Variants in ACOT7 observed in about 807,000 individuals in gnomAD.
ACOT7 encodes cytosolic acyl coenzyme A thioester hydrolase.
ACOT7 carries 12 observed loss-of-function variants against 40.2 expected under a neutral mutation model. The ratio of observed to expected loss-of-function variants is 0.30; its 90% CI spans 0.19 to 0.48. The LOEUF is 0.48. Ranked by LOEUF, ACOT7 falls within the 20% of genes least tolerant of loss-of-function variation. The pLI is 0.99. For synonymous variants in ACOT7, 228 were observed against 219.5 expected (o/e 1.04, Z -0.34); for missense variants, 395 against 530.8 (o/e 0.74, Z 2.51).
chr1:6,378,607 C>A (rs79226054), intron 1 of ACOT7, among the ~76,000 whole-genome samples: 1,715 of 152,066 alleles, frequency 0.011, 34 homozygotes, highest in African/African-American at 0.039. Flanking sequence ...CCAAAGGATT[C>A]AAGGCAGGGC....
At chr1:6,368,369 G>T (rs1007511400) in intron 1 of ACOT7, among the ~76,000 whole-genome samples, 4 of 152,146 alleles carry the variant, frequency 2.6e-5, no homozygotes, top group African/African-American at 9.7e-5. Flanking sequence ...CGCAGTCCAG[G>T]TCCCCAAAGT....
At position 6,371,165 on chromosome 1, in the gene ACOT7, G is replaced by T. The variant is rs370517233; in HGVS notation, c.144-21299C>A. Among the ~76,000 whole-genome samples the T allele has an allele frequency of 3.3e-5, 5 of 152,250 alleles. No individual in the cohort carries two copies. In the East Asian group the frequency reaches 9.7e-4, roughly 29 times the overall value. On this transcript the variant is annotated intron_variant, in intron 1 of 8. Transcript: ENST00000361521. ...TCTGAGCAGTAGGTCTCAACGGCAG[G>T]CTTAAAAATATTCAGAAAACTATGC... is the stretch of plus-strand genomic sequence containing the variant.
intron 1 of ACOT7, among the ~76,000 whole-genome samples, chr1:6,365,946 A>G (rs1642001296): frequency 6.6e-6 from 1 of 151,312 alleles, no homozygotes; most frequent in Non-Finnish European, 1.5e-5. Flanking sequence ...CCAGGCTGGA[A>G]TGCAGTGGCA....
chr1:6,333,055 A>AG (rs1431118595), intron 4 of ACOT7, among the ~76,000 whole-genome samples: 1 of 152,170 alleles, frequency 6.6e-6, no homozygotes, highest in East Asian at 1.9e-4. Context: ...CGGCCCCCGC[A>AG]GCCTGGTGGT....
At chr1:6,379,040 C>T (rs977524799) in intron 1 of ACOT7, among the ~76,000 whole-genome samples, 34 of 151,790 alleles carry the variant, frequency 2.2e-4, no homozygotes, top group African/African-American at 7.2e-4. Flanking sequence ...GGACTACAGG[C>T]GCCCGCCATC....
chr1:6,379,783 T>C (rs1302910974), intron 1 of ACOT7, among the ~76,000 whole-genome samples: 3 of 151,660 alleles, frequency 2.0e-5, no homozygotes, highest in African/African-American at 7.2e-5. Flanking sequence ...TTAAAGAAAA[T>C]AGGCCAGGTG....
At chr1:6,391,067 G>A (rs1642524975) in intron 1 of ACOT7, among the ~76,000 whole-genome samples, 1 of 151,868 alleles carries the variant, frequency 6.6e-6, no homozygotes, top group South Asian at 2.1e-4. Flanking sequence ...AGGCTGAGGC[G>A]GGAGGATCAC....
At chr1:6,390,467 G>A (rs1191244163) in intron 1 of ACOT7, among the ~76,000 whole-genome samples, 2 of 151,896 alleles carry the variant, frequency 1.3e-5, no homozygotes, top group Non-Finnish European at 2.9e-5. Context: ...AGCTACTCGG[G>A]AGGCTGAGAC....
intron 5 of ACOT7, among the ~76,000 whole-genome samples, chr1:6,321,505 G>C (rs1640643943): frequency 6.6e-6 from 1 of 152,058 alleles, no homozygotes; most frequent in African/African-American, 2.4e-5. Context: ...TCTGATTTTT[G>C]ACACAAGGCT....
At chr1:6,345,746 TG>T (rs1641402383) in intron 2 of ACOT7, among the ~76,000 whole-genome samples, 1 of 152,172 alleles carries the variant, frequency 6.6e-6, no homozygotes, top group African/African-American at 2.4e-5. Context: ...GCCACCTAAC[TG>T]TTCTAGGCCT....
intron 8 of ACOT7, among the ~76,000 whole-genome samples, chr1:6,268,702 T>A (rs1638927519): frequency 6.6e-6 from 1 of 152,202 alleles, no homozygotes; most frequent in South Asian, 2.1e-4. Context: ...CAGGGAGATC[T>A]CCGCCCAAGA....
chr1:6,318,362 A>T, intron 6 of ACOT7, 130 bp downstream of exon 6: 1 of 1,038,086 alleles, frequency 9.6e-7, no homozygotes, highest in Non-Finnish European at 1.4e-6. Context: ...GGCCTATTGT[A>T]CAACTTCTTG....
intron 6 of ACOT7, among the ~76,000 whole-genome samples, chr1:6,307,271 G>A (rs748130411): frequency 4.6e-5 from 7 of 152,244 alleles, no homozygotes; most frequent in Non-Finnish European, 1.0e-4. Flanking sequence ...GTGCAGCCTG[G>A]CACAATCCTC....
chr1:6,310,422 G>A (rs1351475483), intron 6 of ACOT7, among the ~76,000 whole-genome samples: 5 of 152,242 alleles, frequency 3.3e-5, no homozygotes, highest in African/African-American at 7.2e-5. Context: ...CACCAGCGTG[G>A]GAGGATGAAG....
At chr1:6,387,689 G>A (rs138590987) in intron 1 of ACOT7, among the ~76,000 whole-genome samples, 25 of 152,338 alleles carry the variant, frequency 1.6e-4, no homozygotes, top group Admixed American at 3.9e-4. Context: ...GACCAGAACT[G>A]GGGAGCCAGC....
chr1:6,373,339 C>T (rs1642168685), intron 1 of ACOT7, among the ~76,000 whole-genome samples: 3 of 152,134 alleles, frequency 2.0e-5, no homozygotes, highest in Non-Finnish European at 4.4e-5. Flanking sequence ...CAACCTCTGC[C>T]TCCCAGGTTC....
intron 5 of ACOT7, among the ~76,000 whole-genome samples, chr1:6,326,105 C>A (rs1356700737): frequency 6.6e-6 from 1 of 152,220 alleles, no homozygotes; most frequent in Non-Finnish European, 1.5e-5. Flanking sequence ...GCATGAGGTA[C>A]CCTGTGGAAC....
intron 6 of ACOT7, among the ~76,000 whole-genome samples, chr1:6,314,834 A>G (rs1446903359): frequency 6.6e-6 from 1 of 151,542 alleles, no homozygotes; most frequent in Non-Finnish European, 1.5e-5. Flanking sequence ...TTCAACCCAG[A>G]ACGGCAGAGA....
At chr1:6,328,889 G>T (rs1490272322) in intron 4 of ACOT7, among the ~76,000 whole-genome samples, 1 of 152,164 alleles carries the variant, frequency 6.6e-6, no homozygotes, top group Non-Finnish European at 1.5e-5. Context: ...GCCGCAGGCT[G>T]GTTCCAGACC....
Sources: gnomAD v4.1 joint callset for allele counts (sites outside exome capture counted in the v4.1 genomes callset) on GRCh38, gnomAD v4.1.1 for gene constraint, MANE v1.5 for transcripts, NCBI Gene and HGNC (gene_info 2026-07-23, HGNC 2026-07-21) for gene names.